SH3KBP1: variants seen among roughly 807,000 people sequenced by gnomAD.
SH3KBP1 encodes the protein SH3 domain containing kinase binding protein 1.
In SH3KBP1, 8 loss-of-function variants were observed where a neutral mutation model predicts 50.1. The ratio of observed to expected loss-of-function variants is 0.16; its 90% CI spans 0.09 to 0.29. The LOEUF (loss-of-function observed/expected upper bound fraction) is 0.29, where lower values mean the gene tolerates loss of function less well. SH3KBP1 is among the 10% of genes least tolerant of loss of function. The pLI is 1.00. For synonymous variants in SH3KBP1, 227 were observed against 218.6 expected (o/e 1.04, Z -0.34); for missense variants, 377 against 535.2 (o/e 0.70, Z 2.92).
At chrX:19,650,496 G>A (rs1026686831) in intron 6 of SH3KBP1, among the ~76,000 whole-genome samples, 4 of 110,748 alleles carry the variant, frequency 3.6e-5, no homozygotes, top group African/African-American at 1.3e-4. Context: ...TGGGGGGACC[G>A]CCCCCATAAT....
intron 15 of SH3KBP1, 79 bp from the exon 16 acceptor site, chrX:19,542,272 C>T (rs2064939741): frequency 8.5e-6 from 8 of 935,741 alleles, no homozygotes; most frequent in African/African-American, 8.0e-5. Context: ...TCAAACTCTC[C>T]GTTAACACCA....
rs370633523 is a variant in SH3KBP1, at chrX:19,655,237, CTCATTCAT to C, written c.727-9770_727-9763del. 1.8e-3 allele frequency among the ~76,000 whole-genome samples: 196 copies of C among 111,665 alleles called. 2 individuals are homozygous for C. The highest frequency in any genetic ancestry group is 6.7e-3 in the East Asian group (24 of 3,573). ...TTCAATTACCTTAATTCATTCATTC[CTCATTCAT>C]TCATTCATTCATTCATTCATTCAGC... is the stretch of plus-strand genomic sequence containing the variant. On this transcript the variant is annotated intron_variant, in intron 6 of 17. Transcript: ENST00000397821.
intron 2 of SH3KBP1, among the ~76,000 whole-genome samples, chrX:19,814,582 G>A (rs1356403687): frequency 1.8e-5 from 2 of 111,649 alleles, no homozygotes; most frequent in Non-Finnish European, 3.8e-5. Context: ...TGCACGTGCC[G>A]TTCCCACTGC....
intron 6 of SH3KBP1, among the ~76,000 whole-genome samples, chrX:19,667,725 G>C (rs890148512): frequency 9.1e-6 from 1 of 109,393 alleles, no homozygotes; most frequent in African/African-American, 3.3e-5. Flanking sequence ...ATATCTGCAA[G>C]AGTGCATATA....
chrX:19,779,533 C>T (rs1441418731), intron 2 of SH3KBP1, among the ~76,000 whole-genome samples: 1 of 98,633 alleles, frequency 1.0e-5, no homozygotes, highest in African/African-American at 3.7e-5. Flanking sequence ...CCCACTAACT[C>T]GTCATCTAGC....
intron 3 of SH3KBP1, among the ~76,000 whole-genome samples, chrX:19,738,694 C>CAAAAAA (rs1193680181): frequency 2.2e-4 from 8 of 37,155 alleles, no homozygotes; most frequent in African/African-American, 3.5e-4. Flanking sequence ...GTCAGCAATG[C>CAAAAAA]AAAAAAAAAA....
Position 19,875,525 on chromosome X carries a change from C to T in SH3KBP1, c.4+11782G>A, listed in dbSNP as rs993014892. ...GCATCCTCACTGAGAGTGCCTGGCC[C>T]GAGGGCAGCCCCGTAGCACCCACTC... is the stretch of plus-strand genomic sequence containing the variant. On this transcript the variant is annotated intron_variant, in intron 1 of 17. Coordinates refer to ENST00000397821, the MANE Select transcript of SH3KBP1 (RefSeq NM_031892.3). Among the ~76,000 whole-genome samples, 6 of 112,212 alleles carry T rather than the reference C, an allele frequency of 5.3e-5. No individual in the cohort carries two copies. The Admixed American group carries it at 5.6e-4, about 11-fold the overall frequency.
chrX:19,763,819 C>A (rs1276680182), intron 2 of SH3KBP1, among the ~76,000 whole-genome samples: 3 of 109,111 alleles, frequency 2.7e-5, no homozygotes, highest in African/African-American at 1.0e-4. Flanking sequence ...GTACGGAGTT[C>A]GAGACCAGCC....
intron 7 of SH3KBP1, among the ~76,000 whole-genome samples, chrX:19,633,211 C>T (rs957772942): frequency 3.6e-5 from 4 of 111,150 alleles, no homozygotes; most frequent in Non-Finnish European, 5.7e-5. Context: ...GGAGGAGAGG[C>T]GGTATTCACT....
chrX:19,534,867 A>C lies in SH3KBP1; in HGVS notation c.*1550T>G, dbSNP rs927270385. 3.4e-6 allele frequency: 1 copy of C among 296,167 alleles called. No individual in the cohort carries two copies. Among genetic ancestry groups the C allele is most frequent in the African/African-American group, 2.7e-5 (1 of 36,475 alleles). 24.4% of individuals were successfully genotyped at this position (296,167 alleles called of 1,213,427 possible). ...GGGAGGAAGGGAGGAAGAGAAAGGA[A>C]GAGACATTTATTTGTAATACTATCA... On this transcript the variant is annotated 3_prime_UTR_variant, in exon 18 of 18. Transcript: ENST00000397821.
intron 3 of SH3KBP1, among the ~76,000 whole-genome samples, chrX:19,727,298 C>T (rs768008356): frequency 4.5e-5 from 5 of 112,136 alleles, no homozygotes; most frequent in South Asian, 7.3e-4. Flanking sequence ...AAATTATATA[C>T]CTATGAAACA....
intron 13 of SH3KBP1, among the ~76,000 whole-genome samples, chrX:19,563,743 T>G (rs866472711): frequency 8.9e-6 from 1 of 112,080 alleles, no homozygotes; most frequent in South Asian, 3.7e-4. Context: ...TGTAGACCAG[T>G]AGCAACCGTA....
At chrX:19,868,509 A>T (rs1249357663) in intron 1 of SH3KBP1, among the ~76,000 whole-genome samples, 1 of 108,787 alleles carries the variant, frequency 9.2e-6, no homozygotes, top group East Asian at 3.0e-4. Flanking sequence ...CAGCCATGTG[A>T]TTGGCAAAAA....
At chrX:19,670,857 A>C in intron 6 of SH3KBP1, 2 of 1,158,088 alleles carry the variant, frequency 1.7e-6, no homozygotes, top group Non-Finnish European at 1.1e-6. Flanking sequence ...AAAAAAAAGA[A>C]ATACCTCTTC....
intron 3 of SH3KBP1, among the ~76,000 whole-genome samples, chrX:19,734,844 G>A (rs1372046971): frequency 1.8e-5 from 2 of 112,151 alleles, no homozygotes; most frequent in African/African-American, 6.5e-5. Context: ...ATCCATATAT[G>A]AGGACTTCAT....
Position 19,569,119 on chromosome X carries a change from G to T in SH3KBP1, c.1368C>A (p.Asp456Glu). ...LSGILDKDLS[D>E]RSNDIDLEGF... ...CTTACTCACCAATGTCATTGCTGCG[G>T]TCCGAGAGATCTTTGTCCAGGATGC... The change falls in exon 13 of 18, where the codon GAC becomes GAA. Residue 456 changes from aspartate to glutamate, a missense_variant. Asp to Glu is a conservative substitution (Grantham distance 45, BLOSUM62 2). Transcript: ENST00000397821. The T allele has an allele frequency of 1.7e-6, 2 of 1,210,180 alleles. No individual in the cohort carries two copies. Among genetic ancestry groups the T allele is most frequent in the East Asian group, 3.0e-5 (1 of 33,871 alleles).
Position 19,839,605 on chromosome X carries a change from G to A in SH3KBP1, c.5-3323C>T, listed in dbSNP as rs1247851125. Among the ~76,000 whole-genome samples, 2 of 112,461 alleles carry A rather than the reference G, an allele frequency of 1.8e-5. 1 individual carries two copies. The highest frequency in any genetic ancestry group is 3.8e-5 in the Non-Finnish European group (2 of 53,276). On this transcript the variant is annotated intron_variant, in intron 1 of 17. Transcript: ENST00000397821. ...CCCAAAGTGCTGGGATTACAGGCGT[G>A]AGCGACCACCCTGGCCATTGCCCTT...
intron 12 of SH3KBP1, among the ~76,000 whole-genome samples, chrX:19,584,297 ATATTTATAAATATG>A (rs201927489): frequency 0.024 from 2,294 of 96,242 alleles, 71 homozygotes; most frequent in African/African-American, 0.082. Context: ...ATTTATATTT[ATATTTATAAATATG>A]TATTTATAAA....
chrX:19,741,006 T>A (rs1028986917), intron 3 of SH3KBP1, among the ~76,000 whole-genome samples: 3 of 112,917 alleles, frequency 2.7e-5, no homozygotes, highest in Non-Finnish European at 5.6e-5. Context: ...TTCTGACAGC[T>A]ACAGGTAGCA....
Sources: gnomAD v4.1 joint callset for allele counts (sites outside exome capture counted in the v4.1 genomes callset) on GRCh38, gnomAD v4.1.1 for gene constraint, MANE v1.5 for transcripts, NCBI Gene and HGNC (gene_info 2026-07-23, HGNC 2026-07-21) for gene names.